The following UHMK1 variants were observed in gnomAD, a reference collection of about 807,000 sequenced individuals.
UHMK1 encodes the protein serine/threonine-protein kinase Kist.
Under a neutral mutation model 44.0 loss-of-function variants are expected in UHMK1, and 18 were observed. The observed-to-expected ratio is 0.41, with a 90% CI of 0.28 to 0.61. The LOEUF (loss-of-function observed/expected upper bound fraction) is 0.61. Ranked by LOEUF, UHMK1 falls within the 20% of genes least tolerant of loss-of-function variation. The pLI, the probability that UHMK1 is intolerant of heterozygous loss-of-function variation, is 0.31. For missense variants in UHMK1, 463 were observed against 522.5 expected (o/e 0.89, Z 1.11); for synonymous variants, 231 against 198.5 (o/e 1.16, Z -1.38).
At chr1:162,503,127 C>T (rs561490713) in intron 3 of UHMK1, among the ~76,000 whole-genome samples, 2 of 152,204 alleles carry the variant, frequency 1.3e-5, no homozygotes, top group African/African-American at 2.4e-5. Flanking sequence ...AGACTCGTTA[C>T]GGAGATACCC....
Position 162,522,887 on chromosome 1 carries a change from G to T in UHMK1, c.*337G>T. On this transcript the variant is annotated 3_prime_UTR_variant, in exon 8 of 8. Transcript: ENST00000489294. ...GCAAGGATGAATAATATCATGTCTT[G>T]GTAAATACTAACAAATTTGTTAGGT... 1 of 179,588 alleles carries T rather than the reference G, an allele frequency of 5.6e-6. No homozygotes were observed. The highest frequency in any genetic ancestry group is 1.5e-4 in the East Asian group (1 of 6,814). 11.1% of individuals were successfully genotyped at this position (179,588 alleles called of 1,614,324 possible).
At chr1:162,500,278 G>A in intron 2 of UHMK1, 31 bp downstream of exon 2, 1 of 1,590,266 alleles carries the variant, frequency 6.3e-7, no homozygotes, top group South Asian at 1.1e-5. Context: ...TTCTCTCGCA[G>A]TTTAAAATGT....
At position 162,498,162 on chromosome 1, in the gene UHMK1, G is replaced by A. The variant is rs1325380286; in HGVS notation, c.162G>A (p.Lys54=). The change falls in exon 1 of 8, where the codon AAG becomes AAA. Residue 54 remains lysine (K), a synonymous_variant. Transcript: ENST00000489294. ...GNPGSPPGAL[K]QFLPPGTTGA... ...CTGGCTCGCCCCCCGGCGCCCTCAA[G>A]CAGTTCTTGCCGCCAGGAACCACCG... The A allele has an allele frequency of 6.2e-7, 1 of 1,613,266 alleles. No individual in the cohort carries two copies. Among genetic ancestry groups the A allele is most frequent in the South Asian group, 1.1e-5 (1 of 91,012 alleles).
chr1:162,503,673 A>T, intron 3 of UHMK1, 81 bp from the exon 4 acceptor site: 2 of 872,170 alleles, frequency 2.3e-6, no homozygotes, highest in Non-Finnish European at 3.5e-6. Context: ...GTTGCATTTT[A>T]CTCTCAAATA....
At chr1:162,507,615 C>G (rs954938110) in intron 4 of UHMK1, among the ~76,000 whole-genome samples, 2 of 135,620 alleles carry the variant, frequency 1.5e-5, no homozygotes, top group East Asian at 2.3e-4. Context: ...GATACGGAGT[C>G]TCACTCTGTC....
Position 162,498,267 on chromosome 1 carries a change from C to A in UHMK1, c.267C>A (p.Ile89=), listed in dbSNP as rs772690994. 6.3e-7 allele frequency: 1 copy of A among 1,580,208 alleles called. No homozygotes were observed. The highest frequency in any genetic ancestry group is 8.6e-7 in the Non-Finnish European group (1 of 1,159,090). ...ALEQLQGHRN[I]VTLYGVFTIH... Reference sequence around the variant, plus strand: ...AACAGTTGCAGGGTCACAGAAACATCGGTAATTGCCGCTGTCTCCTTTCTC... The same window carrying A: ...AACAGTTGCAGGGTCACAGAAACATAGGTAATTGCCGCTGTCTCCTTTCTC... The change falls in exon 1 of 8, where the codon ATC becomes ATA. Residue 89 remains isoleucine, a splice_region_variant and synonymous_variant. Transcript: ENST00000489294.
chr1:162,504,702 C>T (rs1571006661), intron 4 of UHMK1, among the ~76,000 whole-genome samples: 2 of 152,120 alleles, frequency 1.3e-5, no homozygotes, highest in African/African-American at 4.8e-5. Context: ...ATGTGAGGGC[C>T]TAGGACATTA....
At position 162,528,976 on chromosome 1, in the gene UHMK1, C is replaced by T. The variant is rs1337757344; in HGVS notation, c.*6426C>T. On this transcript the variant is annotated 3_prime_UTR_variant, in exon 8 of 8. Coordinates refer to ENST00000489294, the MANE Select transcript of UHMK1 (RefSeq NM_175866.5). ...AGTAGTTGGTTGTGAATATTAAAAC[C>T]TAGTACTATTTTCCCTCAGTAACAT... 1 of 152,062 alleles carries T rather than the reference C, an allele frequency of 6.6e-6. No individual in the cohort carries two copies. The highest frequency in any genetic ancestry group is 2.4e-5 in the African/African-American group (1 of 41,432). 9.4% of individuals were successfully genotyped at this position (152,062 alleles called of 1,614,324 possible). A position where few individuals can be genotyped will look rare whatever the true frequency, so the allele number is the denominator to read the frequency against.
intron 6 of UHMK1, 71 bp downstream of exon 6, chr1:162,512,894 T>C: frequency 2.2e-6 from 3 of 1,368,828 alleles, no homozygotes; most frequent in Non-Finnish European, 3.1e-6. Flanking sequence ...ATCCGTAACA[T>C]TTTCATATTT....
At chr1:162,504,275 A>G (rs551899395) in intron 4 of UHMK1, among the ~76,000 whole-genome samples, 15 of 152,344 alleles carry the variant, frequency 9.8e-5, no homozygotes, top group South Asian at 6.2e-4. Context: ...GGACAGATAC[A>G]GTTTTTCTGA....
At chr1:162,499,340 A>AT (rs972061615) in intron 1 of UHMK1, among the ~76,000 whole-genome samples, 57 of 152,140 alleles carry the variant, frequency 3.7e-4, no homozygotes, top group Admixed American at 1.4e-3. Context: ...AGCCTGGCTA[A>AT]TTTTTTGTAG....
intron 4 of UHMK1, among the ~76,000 whole-genome samples, chr1:162,510,985 A>G (rs1336363744): frequency 1.3e-5 from 2 of 151,944 alleles, no homozygotes; most frequent in Non-Finnish European, 2.9e-5. Context: ...AGCTATTGTA[A>G]TAGGTATGAG....
rs971817492 is a variant in UHMK1 at position 162,503,781 on chromosome 1, A to C, written c.781A>C (p.Ile261Leu). The C allele has an allele frequency of 3.1e-6, 5 of 1,614,142 alleles. No individual in the cohort carries two copies. Among genetic ancestry groups the C allele is most frequent in the East Asian group, 2.2e-5 (1 of 44,880 alleles). ...AAACAGTTCTGCTATTATTGATCAC[A>C]TATTTGCCAGTAAAGCAGTGGTGAA... ...KANSSAIIDH[I>L]FASKAVVNAA... The change falls in exon 4 of 8, where the codon ATA becomes CTA. Residue 261 changes from isoleucine (I) to leucine (L), a missense_variant. By Grantham distance (5) the Ile-to-Leu change is conservative. This residue lies in a region of UHMK1 where 264 missense variants were observed against 326.3 expected (regional missense o/e 0.81). Coordinates refer to ENST00000489294, the MANE Select transcript of UHMK1 (RefSeq NM_175866.5).
chr1:162,499,647 C>T (rs1651196206), intron 1 of UHMK1, among the ~76,000 whole-genome samples: 1 of 151,980 alleles, frequency 6.6e-6, no homozygotes, highest in African/African-American at 2.4e-5. Flanking sequence ...TACTTTTAAT[C>T]ATTTTTGCTT....
In UHMK1 at chr1:162,527,397, A is replaced by G. The variant is rs1298515677; in HGVS notation, c.*4847A>G. ...AGTGGACTGTAAGAGAAATATCTAT[A>G]AATCAGAGAGTATTTAGGAAACTTT... On this transcript the variant is annotated 3_prime_UTR_variant, in exon 8 of 8. Transcript: ENST00000489294. 1.3e-5 allele frequency: 2 copies of G among 152,126 alleles called. No individual in the cohort carries two copies. The highest frequency in any genetic ancestry group is 2.9e-5 in the Non-Finnish European group (2 of 67,948). 9.4% of individuals were successfully genotyped at this position (152,126 alleles called of 1,614,324 possible).
intron 7 of UHMK1, among the ~76,000 whole-genome samples, chr1:162,518,687 C>CAA (rs71093184): frequency 4.4e-4 from 63 of 143,566 alleles, no homozygotes; most frequent in Middle Eastern, 3.9e-3. Flanking sequence ...GACTTCATCT[C>CAA]AAAAAAAAAA....
chr1:162,516,190 T>A (rs962595021), intron 6 of UHMK1, among the ~76,000 whole-genome samples: 5 of 152,222 alleles, frequency 3.3e-5, no homozygotes, highest in Non-Finnish European at 7.3e-5. Context: ...TGAATCTTAG[T>A]GTTTAAGAAT....
chr1:162,497,724 A>G, upstream of UHMK1: 1 of 1,159,076 alleles, frequency 8.6e-7, no homozygotes, highest in Non-Finnish European at 1.1e-6. Context: ...CTTTTTTCCA[A>G]ACCTAGCGCG....
At chr1:162,498,290 CT>C in intron 1 of UHMK1, 22 bp downstream of exon 1, 1 of 1,565,000 alleles carries the variant, frequency 6.4e-7, no homozygotes, top group South Asian at 1.2e-5. Context: ...TGTCTCCTTT[CT>C]CTTCTTGCCC....
Sources: gnomAD v4.1 joint callset for allele counts (sites outside exome capture counted in the v4.1 genomes callset) on GRCh38, gnomAD v4.1.1 for gene constraint, gnomAD v4.1.1 regional missense constraint, MANE v1.5 for transcripts, NCBI Gene and HGNC (gene_info 2026-07-23, HGNC 2026-07-21) for gene names.